The following CDC42BPA variants were observed in gnomAD, a reference collection of about 807,000 sequenced individuals.
The protein encoded by CDC42BPA is CDC42 binding protein kinase alpha, also known as serine/threonine-protein kinase MRCK alpha.
A neutral mutation model predicts 223.5 loss-of-function variants in CDC42BPA; 80 were observed. That is an observed-to-expected ratio of 0.36 (90% confidence interval 0.30 to 0.43). CDC42BPA has a LOEUF of 0.43. CDC42BPA is among the 20% of genes least tolerant of loss of function. The pLI is 1.00. For missense variants in CDC42BPA, 1,743 were observed against 2,099.9 expected (o/e 0.83, Z 3.32); for synonymous variants, 694 against 718.6 (o/e 0.97, Z 0.55).
chr1:227,137,076 TTAAAG>T (rs1396247637), intron 10 of CDC42BPA, among the ~76,000 whole-genome samples: 28 of 152,240 alleles, frequency 1.8e-4, no homozygotes, highest in African/African-American at 5.5e-4. Flanking sequence ...ATAACACAGA[TTAAAG>T]TAAACTATGT....
intron 5 of CDC42BPA, among the ~76,000 whole-genome samples, chr1:227,165,870 T>C (rs980382295): frequency 6.6e-6 from 1 of 152,228 alleles, no homozygotes; most frequent in African/African-American, 2.4e-5. Flanking sequence ...TACTTTTCAA[T>C]ATAACCTTTT....
At chr1:227,110,185 G>A (rs1686687682) in intron 14 of CDC42BPA, among the ~76,000 whole-genome samples, 1 of 152,074 alleles carries the variant, frequency 6.6e-6, no homozygotes, top group South Asian at 2.1e-4. Context: ...TATTAGAAGT[G>A]AGATATTGAA....
chr1:227,125,440 C>G (rs895203061), intron 11 of CDC42BPA, among the ~76,000 whole-genome samples: 1 of 151,538 alleles, frequency 6.6e-6, no homozygotes, highest in Non-Finnish European at 1.5e-5. Flanking sequence ...AGCGAGACCC[C>G]GTCTCTACTA....
chr1:227,264,923 C>T (rs973238795), intron 1 of CDC42BPA: 16 of 1,258,916 alleles, frequency 1.3e-5, no homozygotes, highest in Non-Finnish European at 1.4e-5. Flanking sequence ...CTCAATACCC[C>T]ACTCGGTATA....
At chr1:227,250,390 A>AG (rs924174726) in intron 2 of CDC42BPA, among the ~76,000 whole-genome samples, 4 of 152,170 alleles carry the variant, frequency 2.6e-5, no homozygotes, top group African/African-American at 7.2e-5. Context: ...CGGGAAGCTG[A>AG]GGCAGGAGAA....
intron 2 of CDC42BPA, among the ~76,000 whole-genome samples, chr1:227,232,999 C>T (rs934422364): frequency 3.9e-5 from 6 of 152,190 alleles, no homozygotes; most frequent in Non-Finnish European, 8.8e-5. Context: ...CCTTGCAGTT[C>T]GATCTCAGAC....
At chr1:227,313,262 C>T (rs1343426937) in intron 1 of CDC42BPA, among the ~76,000 whole-genome samples, 1 of 152,112 alleles carries the variant, frequency 6.6e-6, no homozygotes, top group African/African-American at 2.4e-5. Context: ...CCTAAGTTCA[C>T]TCTACTTTAT....
At position 227,046,063 on chromosome 1, in the gene CDC42BPA, C is replaced by T. The variant is rs576049596; in HGVS notation, c.3093+1864G>A. Among the ~76,000 whole-genome samples the T allele has an allele frequency of 4.6e-5, 7 of 152,250 alleles. No homozygotes were observed. In the South Asian group the frequency reaches 1.5e-3, roughly 32 times the overall value. On this transcript the variant is annotated intron_variant, in intron 23 of 36. Coordinates refer to ENST00000366766, the MANE Select transcript of CDC42BPA (RefSeq NM_001394014.1). ...TCAAGCAATCAGCCCGCCTAAGCCT[C>T]CCAAAATGCTGGCATTACAGGTGTG...
At chr1:227,277,090 A>G (rs529504696) in intron 1 of CDC42BPA, among the ~76,000 whole-genome samples, 302 of 151,880 alleles carry the variant, frequency 2.0e-3, no homozygotes, top group Non-Finnish European at 3.2e-3. Flanking sequence ...AAAAAAAAAA[A>G]AAAAAGAAAA....
At chr1:227,145,463 G>C (rs754851754) in intron 8 of CDC42BPA, 26 bp downstream of exon 8, 1 of 1,595,606 alleles carries the variant, frequency 6.3e-7, no homozygotes, top group Non-Finnish European at 8.5e-7. Flanking sequence ...CAGAGGGACA[G>C]AACTTCTTCA....
At chr1:227,137,577 T>A (rs1307321714) in intron 10 of CDC42BPA, among the ~76,000 whole-genome samples, 7 of 151,862 alleles carry the variant, frequency 4.6e-5, no homozygotes, top group Non-Finnish European at 1.0e-4. Flanking sequence ...GCACGAACTT[T>A]ACTCACAGTA....
intron 21 of CDC42BPA, among the ~76,000 whole-genome samples, chr1:227,057,690 A>G (rs761553879): frequency 6.6e-6 from 1 of 152,224 alleles, no homozygotes; most frequent in Non-Finnish European, 1.5e-5. Context: ...AGCCTATTAT[A>G]TCTACGTTTA....
Position 227,257,626 on chromosome 1 carries a change from C to T in CDC42BPA, c.179-3471G>A, listed in dbSNP as rs112869849. Reference sequence around the variant, plus strand: ...TTAAATGGGCATGGTAGTAAATGGGCGCCTGTAATCCCAGCTACTTGGGAG... The same window carrying T: ...TTAAATGGGCATGGTAGTAAATGGGTGCCTGTAATCCCAGCTACTTGGGAG... On this transcript the variant is annotated intron_variant, in intron 1 of 36. Transcript: ENST00000366766. 4.9e-3 allele frequency among the ~76,000 whole-genome samples: 739 copies of T among 150,514 alleles called. 51 individuals are homozygous for T. The highest frequency in any genetic ancestry group is 0.017 in the African/African-American group (696 of 40,046).
chr1:227,096,898 C>A (rs1684103214), intron 15 of CDC42BPA, among the ~76,000 whole-genome samples: 1 of 152,186 alleles, frequency 6.6e-6, no homozygotes, highest in African/African-American at 2.4e-5. Flanking sequence ...GACATCTCCA[C>A]AAAGATGTCT....
chr1:227,261,736 C>A (rs923954256), intron 1 of CDC42BPA, among the ~76,000 whole-genome samples: 1 of 152,116 alleles, frequency 6.6e-6, no homozygotes, highest in East Asian at 1.9e-4. Flanking sequence ...GAAGGTATTG[C>A]TGGTGGCTTA....
intron 21 of CDC42BPA, among the ~76,000 whole-genome samples, chr1:227,052,555 C>T (rs1312654506): frequency 6.6e-6 from 1 of 152,076 alleles, no homozygotes; most frequent in Non-Finnish European, 1.5e-5. Context: ...ATTAAAAATG[C>T]TTTGGGTTAA....
chr1:227,006,188 C>T (rs1234420827), intron 34 of CDC42BPA, among the ~76,000 whole-genome samples: 1 of 152,216 alleles, frequency 6.6e-6, no homozygotes, highest in East Asian at 1.9e-4. Flanking sequence ...TGATTTCTTA[C>T]AATTTATAAA....
rs114210772 is a variant in CDC42BPA at position 227,053,093 on chromosome 1, C to T, written c.2905-1108G>A. ...GCTCAACAGAACTCTGGGCATGTGG[C>T]TTCAATCTCTAAGGGCACAAATTGT... is the stretch of plus-strand genomic sequence containing the variant. On this transcript the variant is annotated intron_variant, in intron 21 of 36. Transcript: ENST00000366766. 6.0e-3 allele frequency among the ~76,000 whole-genome samples: 910 copies of T among 152,282 alleles called. 10 individuals are homozygous for T. The highest frequency in any genetic ancestry group is 0.021 in the African/African-American group (857 of 41,562).
intron 3 of CDC42BPA, among the ~76,000 whole-genome samples, chr1:227,201,046 A>AT (rs1355440972): frequency 6.6e-6 from 1 of 152,100 alleles, no homozygotes; most frequent in African/African-American, 2.4e-5. Context: ...TTTCAAATTG[A>AT]TTTTTTAAAG....
Sources: allele counts gnomAD v4.1 joint callset (sites outside exome capture counted in the v4.1 genomes callset), GRCh38; gene constraint gnomAD v4.1.1; transcripts MANE v1.5; gene names NCBI Gene and HGNC (gene_info 2026-07-23, HGNC 2026-07-21).